The following KLHL13 variants were observed in gnomAD, a reference collection of about 807,000 sequenced individuals.
The protein encoded by KLHL13 is kelch like family member 13.
Under a neutral mutation model 37.1 loss-of-function variants are expected in KLHL13, and 10 were observed. The ratio of observed to expected loss-of-function variants is 0.27; its 90% confidence interval spans 0.17 to 0.46. The LOEUF is 0.46. KLHL13 is among the 20% of genes least tolerant of loss of function. KLHL13 has a pLI of 1.00. For synonymous variants in KLHL13, 163 were observed against 181.2 expected, an observed-to-expected ratio of 0.90 and a Z score of 0.81; for missense variants, 360 against 509.3, an observed-to-expected ratio of 0.71 and a Z score of 2.82.
chrX:117,999,421 T>C (rs961995169), intron 1 of KLHL13, among the ~76,000 whole-genome samples: 1 of 110,887 alleles, frequency 9.0e-6, no homozygotes, highest in Admixed American at 9.7e-5. Context: ...GAAACCATCA[T>C]TCTCAGCAAA....
chrX:118,097,014 G>C (rs1300647152), intron 1 of KLHL13, among the ~76,000 whole-genome samples: 3 of 110,974 alleles, frequency 2.7e-5, no homozygotes, highest in African/African-American at 9.8e-5. Context: ...TTTGAAAACG[G>C]GCACAAGACA....
chrX:118,012,453 A>G (rs1395471087), intron 1 of KLHL13, among the ~76,000 whole-genome samples: 2 of 110,267 alleles, frequency 1.8e-5, no homozygotes, highest in Non-Finnish European at 3.8e-5. Flanking sequence ...ATATCTTCAA[A>G]GAGCATCACT....
rs1420140922 is a variant in KLHL13, at chrX:117,973,599, T to C, written c.-771A>G. On this transcript the variant is annotated 5_prime_UTR_variant, in exon 1 of 7. Coordinates refer to ENST00000262820, the Ensembl canonical transcript of KLHL13. ...CTCTGCAGGTTCTTCTAGTAGCTTC[T>C]GATTCAAGTTGCTCTCCTTTCCCTA... 1.1e-5 allele frequency: 10 copies of C among 874,494 alleles called. No individual in the cohort carries two copies. In the Admixed American group the frequency reaches 5.1e-4, roughly 44 times the overall value. The allele number at this position is 874,494 out of a possible 1,213,427, so 72.1% of individuals were successfully genotyped here.
At chrX:117,948,484 T>C (rs1277636735) in intron 1 of KLHL13, among the ~76,000 whole-genome samples, 1 of 112,016 alleles carries the variant, frequency 8.9e-6, no homozygotes, top group Non-Finnish European at 1.9e-5. Context: ...CATAAGCTCA[T>C]GTAAGAATAA....
At chrX:117,909,823 T>G (rs762773199) in exon 5 of KLHL13, 1 of 1,212,235 alleles carries the variant, frequency 8.2e-7, no homozygotes, top group African/African-American at 1.7e-5. Context: ...GGAAATCGTA[T>G]GTTCTTCATT....
Position 117,948,631 on chromosome X carries a change from G to A in KLHL13, c.99-3056C>T, listed in dbSNP as rs1933436869. Reference sequence around the variant, plus strand: ...TATTCATGGGAGAGACTATATTAACGAATTTTGTTTCTAAAAATTAAACCT... The same window carrying A: ...TATTCATGGGAGAGACTATATTAACAAATTTTGTTTCTAAAAATTAAACCT... On this transcript the variant is annotated intron_variant, in intron 1 of 6. Coordinates refer to ENST00000262820, the Ensembl canonical transcript of KLHL13. Among the ~76,000 whole-genome samples the A allele has an allele frequency of 2.7e-5, 3 of 110,998 alleles. No homozygotes were observed. In the Admixed American group the frequency reaches 2.9e-4, roughly 11 times the overall value.
intron 1 of KLHL13, among the ~76,000 whole-genome samples, chrX:118,034,781 CA>C (rs1376665061): frequency 5.0e-5 from 3 of 59,741 alleles, no homozygotes; most frequent in Admixed American, 4.0e-4. Context: ...AAAAACCCTT[CA>C]AAAAATTAAT....
intron 1 of KLHL13, among the ~76,000 whole-genome samples, chrX:117,956,102 A>G (rs1457751526): frequency 8.9e-6 from 1 of 111,829 alleles, no homozygotes; most frequent in African/African-American, 3.2e-5. Flanking sequence ...TTCAGTATCT[A>G]GCCACAGACA....
At chrX:118,019,922 AG>A (rs2054181814) in intron 1 of KLHL13, among the ~76,000 whole-genome samples, 1 of 105,218 alleles carries the variant, frequency 9.5e-6, no homozygotes, top group African/African-American at 3.6e-5. Flanking sequence ...GAAGTCAGGT[AG>A]TGTGATGCCT....
At chrX:117,941,019 G>A (rs1195512934) in intron 2 of KLHL13, among the ~76,000 whole-genome samples, 1 of 112,010 alleles carries the variant, frequency 8.9e-6, no homozygotes, top group Admixed American at 9.5e-5. Context: ...CTTGTCTTGT[G>A]CCAGTTTTCA....
At chrX:117,905,659 T>G (rs920706456) in intron 5 of KLHL13, among the ~76,000 whole-genome samples, 2 of 111,581 alleles carry the variant, frequency 1.8e-5, no homozygotes, top group East Asian at 5.6e-4. Context: ...ACTGTTTTTT[T>G]TTTAATTTTT....
At chrX:118,080,984 A>G (rs1241031822) in intron 1 of KLHL13, among the ~76,000 whole-genome samples, 1 of 111,985 alleles carries the variant, frequency 8.9e-6, no homozygotes, top group Non-Finnish European at 1.9e-5. Flanking sequence ...GCTAGACGCC[A>G]TAATCACAAG....
At chrX:118,046,488 G>C (rs748819249) in intron 1 of KLHL13, among the ~76,000 whole-genome samples, 4 of 111,738 alleles carry the variant, frequency 3.6e-5, no homozygotes, top group Non-Finnish European at 5.6e-5. Context: ...AGCACAACAG[G>C]AGCAACTATA....
At chrX:117,919,942 C>T (rs1350218522) in intron 3 of KLHL13, among the ~76,000 whole-genome samples, 1 of 106,513 alleles carries the variant, frequency 9.4e-6, no homozygotes, top group Non-Finnish European at 1.9e-5. Flanking sequence ...AAAATGTTCT[C>T]ACTTCCTATT....
chrX:118,074,953 C>T (rs903865888), intron 1 of KLHL13, among the ~76,000 whole-genome samples: 1 of 112,002 alleles, frequency 8.9e-6, no homozygotes, highest in African/African-American at 3.2e-5. Context: ...TTGTAAACTA[C>T]TGGTTCAGCC....
At chrX:118,047,816 A>T (rs1177109244) in intron 1 of KLHL13, among the ~76,000 whole-genome samples, 1 of 111,757 alleles carries the variant, frequency 8.9e-6, no homozygotes, top group African/African-American at 3.3e-5. Context: ...ATTGATTTTG[A>T]AATAAAAAGA....
intron 4 of KLHL13, among the ~76,000 whole-genome samples, chrX:117,918,628 G>A (rs1399889589): frequency 9.0e-6 from 1 of 111,489 alleles, no homozygotes; most frequent in South Asian, 3.8e-4. Context: ...AAAATTTAAA[G>A]GTCTCAACTA....
At chrX:118,071,519 A>AT (rs1438069822) in intron 1 of KLHL13, among the ~76,000 whole-genome samples, 1 of 111,036 alleles carries the variant, frequency 9.0e-6, no homozygotes, top group African/African-American at 3.3e-5. Flanking sequence ...GATGGTGAGC[A>AT]TTTTTTTCAT....
At chrX:118,087,096 C>G in intron 1 of KLHL13, among the ~76,000 whole-genome samples, 1 of 111,202 alleles carries the variant, frequency 9.0e-6, no homozygotes, top group Non-Finnish European at 1.9e-5. Context: ...TATGCCCAAG[C>G]CTCCAAAGTT....
Sources: allele counts gnomAD v4.1 joint callset (sites outside exome capture counted in the v4.1 genomes callset), GRCh38; gene constraint gnomAD v4.1.1; transcripts MANE v1.5; gene names NCBI Gene and HGNC (gene_info 2026-07-23, HGNC 2026-07-21).